LRP1B: variants seen among roughly 807,000 people sequenced by gnomAD.
LRP1B encodes low-density lipoprotein receptor-related protein 1B.
Under a neutral mutation model 556.6 loss-of-function variants are expected in LRP1B, and 217 were observed. That is an observed-to-expected ratio of 0.39 (90% confidence interval 0.35 to 0.44). The LOEUF (loss-of-function observed/expected upper bound fraction) is 0.44, where lower values mean the gene tolerates loss of function less well. Ranked by LOEUF, LRP1B falls within the 20% of genes least tolerant of loss-of-function variation. The pLI is 1.00. For synonymous variants in LRP1B, 2,047 were observed against 1,865.8 expected (o/e 1.10, Z -2.50); for missense variants, 5,053 against 5,620.8 (o/e 0.90, Z 3.23).
chr2:141,945,931 GATTT>G (rs140141783), intron 1 of LRP1B, among the ~76,000 whole-genome samples: 379 of 151,012 alleles, frequency 2.5e-3, no homozygotes, highest in Non-Finnish European at 3.5e-3. Flanking sequence ...AAACCAGCAG[GATTT>G]ATTTATTTAT....
At position 141,229,212 on chromosome 2, in the gene LRP1B, C is replaced by G. The variant is rs1449758907; in HGVS notation, c.821G>C (p.Trp274Ser). 2 of 1,612,858 alleles carry G rather than the reference C, an allele frequency of 1.2e-6. No homozygotes were observed. Among genetic ancestry groups the G allele is most frequent in the Non-Finnish European group, 1.7e-6 (2 of 1,179,380 alleles). ...ITKAGGLTDE[W>S]TINILQSFHN... ...GAAGGATTGAAGAATATTGATTGTCCATTCATCTGTTAATCCTCCTGCTTT... is the reference window on the plus strand; with the variant it reads ...GAAGGATTGAAGAATATTGATTGTCGATTCATCTGTTAATCCTCCTGCTTT... The change falls in exon 6 of 91, where the codon TGG (tryptophan) becomes TCG (serine). Residue 274 changes from tryptophan to serine, a missense_variant. Trp to Ser is a radical substitution (Grantham distance 177, BLOSUM62 -3). Transcript: ENST00000389484.
chr2:140,769,422 T>C, intron 34 of LRP1B, 78 bp from the exon 35 acceptor site: 1 of 1,382,110 alleles, frequency 7.2e-7, no homozygotes, highest in East Asian at 2.6e-5. Context: ...TTCATTTGTA[T>C]TATTTTTAAC....
At chr2:141,079,985 T>C (rs1181253041) in intron 7 of LRP1B, among the ~76,000 whole-genome samples, 1 of 152,224 alleles carries the variant, frequency 6.6e-6, no homozygotes, top group Non-Finnish European at 1.5e-5. Flanking sequence ...TTTATGCCAA[T>C]ATGCTCCACG....
intron 2 of LRP1B, among the ~76,000 whole-genome samples, chr2:141,625,300 G>A (rs1401691177): frequency 6.6e-6 from 1 of 152,126 alleles, no homozygotes; most frequent in Admixed American, 6.5e-5. Flanking sequence ...GGTACCTTGA[G>A]TGAGGTAATT....
At chr2:141,882,223 GGTTGGA>G in intron 1 of LRP1B, among the ~76,000 whole-genome samples, 1 of 152,234 alleles carries the variant, frequency 6.6e-6, no homozygotes, top group South Asian at 2.1e-4. Context: ...AAAGCCCACG[GGTTGGA>G]GAGCAGGCAG....
chr2:142,031,600 C>T (rs549044834), intron 1 of LRP1B, among the ~76,000 whole-genome samples: 6 of 145,732 alleles, frequency 4.1e-5, no homozygotes, highest in African/African-American at 1.5e-4. Flanking sequence ...AAAAAAATGA[C>T]ATATTGTCAA....
intron 1 of LRP1B, among the ~76,000 whole-genome samples, chr2:141,980,999 T>C (rs1702028892): frequency 2.0e-5 from 3 of 152,128 alleles, no homozygotes; most frequent in Admixed American, 2.0e-4. Context: ...GATTATATCT[T>C]ACATTCTCCA....
chr2:140,981,877 G>A (rs190613297), intron 18 of LRP1B, among the ~76,000 whole-genome samples: 111 of 152,246 alleles, frequency 7.3e-4, no homozygotes, highest in Non-Finnish European at 3.7e-4. Flanking sequence ...ACATTTGAGA[G>A]TGTCCTGTTA....
Position 140,353,076 on chromosome 2 carries a change from G to A in LRP1B, c.11531-4C>T, listed in dbSNP as rs2105122370. The A allele has an allele frequency of 6.2e-7, 1 of 1,612,406 alleles. No individual in the cohort carries two copies. The highest frequency in any genetic ancestry group is 8.5e-7 in the Non-Finnish European group (1 of 1,179,208). ...AACACCAAACATTCATTAAGGTCTA[G>A]AAAAGAAGAGCTCAAAATAGCATCA... On this transcript the variant is annotated splice_region_variant and splice_polypyrimidine_tract_variant and intron_variant, in intron 75 of 90. Transcript: ENST00000389484.
At chr2:140,510,206 T>G in intron 51 of LRP1B, 150 bp from the exon 52 acceptor site, 1 of 764,720 alleles carries the variant, frequency 1.3e-6, no homozygotes, top group Non-Finnish European at 2.1e-6. Flanking sequence ...AACATCATTC[T>G]TCCCCTGTAG....
At chr2:140,998,673 T>C (rs559454623) in intron 15 of LRP1B, among the ~76,000 whole-genome samples, 27 of 152,210 alleles carry the variant, frequency 1.8e-4, no homozygotes, top group African/African-American at 6.5e-4. Flanking sequence ...TAATCAATCA[T>C]GTAGCATGTC....
At chr2:140,629,420 C>T (rs1683798609) in intron 41 of LRP1B, among the ~76,000 whole-genome samples, 1 of 151,978 alleles carries the variant, frequency 6.6e-6, no homozygotes, top group Non-Finnish European at 1.5e-5. Context: ...TGTATATGCC[C>T]TGTGATTCAA....
intron 18 of LRP1B, among the ~76,000 whole-genome samples, chr2:140,976,490 C>CTTT (rs796340223): frequency 8.6e-6 from 1 of 116,588 alleles, no homozygotes; most frequent in African/African-American, 3.2e-5. Context: ...ATTGAACTAT[C>CTTT]TTTTTTTTTT....
rs1337108270 is a variant in LRP1B at position 141,399,261 on chromosome 2, A to C, written c.343+81135T>G. ...ACAGAGCGGGACTCTGTCTCGAAAT[A>C]AATAAATAAAGCCAAATTCCATCTC... On this transcript the variant is annotated intron_variant, in intron 3 of 90. Coordinates refer to ENST00000389484, the MANE Select transcript of LRP1B (RefSeq NM_018557.3). 2.0e-5 allele frequency among the ~76,000 whole-genome samples: 3 copies of C among 152,042 alleles called. No homozygotes were observed. In the East Asian group the frequency reaches 5.8e-4, roughly 29 times the overall value.
chr2:141,178,455 T>C (rs929296739), intron 7 of LRP1B, among the ~76,000 whole-genome samples: 1 of 152,130 alleles, frequency 6.6e-6, no homozygotes, highest in African/African-American at 2.4e-5. Flanking sequence ...TCAGATATCT[T>C]TGAGCCTTTT....
chr2:142,070,379 G>T (rs568398968), intron 1 of LRP1B, among the ~76,000 whole-genome samples: 1 of 151,932 alleles, frequency 6.6e-6, no homozygotes, highest in East Asian at 1.9e-4. Flanking sequence ...TAGTGAGGAG[G>T]TTAAATAACT....
At chr2:141,480,914 G>A (rs966196312) in intron 2 of LRP1B, among the ~76,000 whole-genome samples, 19 of 152,102 alleles carry the variant, frequency 1.2e-4, no homozygotes, top group African/African-American at 4.6e-4. Context: ...TATGGATAAT[G>A]GTTCTCCGCA....
At position 140,386,034 on chromosome 2, in the gene LRP1B, G is replaced by T. The variant is rs576867792; in HGVS notation, c.10415-25C>A. ...TCTGTAATGGAAAGAACCAGAGTTT[G>T]CATTGTAGATTTCCATGAAGACATC... On this transcript the variant is annotated intron_variant, in intron 66 of 90. Coordinates refer to ENST00000389484, the MANE Select transcript of LRP1B (RefSeq NM_018557.3). 10 of 1,421,284 alleles carry T rather than the reference G, an allele frequency of 7.0e-6. No homozygotes were observed. In the Admixed American group the frequency reaches 1.7e-4, roughly 25 times the overall value. The allele number at this position is 1,421,284 out of a possible 1,614,324, so 88.0% of individuals were successfully genotyped here. A position where few individuals can be genotyped will look rare whatever the true frequency, so the allele number is the denominator to read the frequency against.
chr2:141,135,091 C>A (rs7558148), intron 7 of LRP1B, among the ~76,000 whole-genome samples: 8 of 151,828 alleles, frequency 5.3e-5, no homozygotes, highest in Admixed American at 1.3e-4. Flanking sequence ...AAGTGTGTGC[C>A]TGTGTGAGTG....
Sources: gnomAD v4.1 joint callset for allele counts (sites outside exome capture counted in the v4.1 genomes callset) on GRCh38, gnomAD v4.1.1 for gene constraint, MANE v1.5 for transcripts, NCBI Gene and HGNC (gene_info 2026-07-23, HGNC 2026-07-21) for gene names.